ARHGAP42: variants seen among roughly 807,000 people sequenced by gnomAD.
ARHGAP42 encodes rho GTPase-activating protein 42.
A neutral mutation model predicts 125.0 loss-of-function variants in ARHGAP42; 63 were observed. That is an observed-to-expected ratio of 0.50 (90% CI 0.41 to 0.62). ARHGAP42 has a LOEUF of 0.62. Ranked by LOEUF, ARHGAP42 falls within the 20% of genes least tolerant of loss-of-function variation. The probability of loss-of-function intolerance (pLI) is 0.00; values close to 1 mark genes in which losing one functional copy is unlikely to be tolerated. For synonymous variants in ARHGAP42, 339 were observed against 351.0 expected, an observed-to-expected ratio of 0.97 and a Z score of 0.38; for missense variants, 766 against 1,024.2, an observed-to-expected ratio of 0.75 and a Z score of 3.44.
intron 10 of ARHGAP42, 43 bp downstream of exon 10, chr11:100,943,911 C>T (rs189129829): frequency 2.8e-5 from 36 of 1,269,266 alleles, no homozygotes; most frequent in African/African-American, 1.9e-4. Context: ...ATAAGCTAAA[C>T]GGTGTCTCTT....
chr11:100,688,531 T>A (rs1861130156), intron 1 of ARHGAP42, among the ~76,000 whole-genome samples: 1 of 152,152 alleles, frequency 6.6e-6, no homozygotes, highest in Non-Finnish European at 1.5e-5. Flanking sequence ...AATATAGGGC[T>A]TCTTCCACCT....
chr11:100,706,465 A>G (rs532775820), intron 1 of ARHGAP42, among the ~76,000 whole-genome samples: 13 of 152,336 alleles, frequency 8.5e-5, no homozygotes, highest in African/African-American at 2.9e-4. Flanking sequence ...GACAAATATC[A>G]TTGTGACAAC....
chr11:100,840,033 G>C lies in ARHGAP42; in HGVS notation c.313-19521G>C, dbSNP rs527790897. 52 of 152,252 alleles carry C rather than the reference G, an allele frequency of 3.4e-4. 1 individual carries two copies. Among genetic ancestry groups the C allele is most frequent in the African/African-American group, 1.2e-3 (50 of 41,554 alleles). 9.4% of individuals were successfully genotyped at this position (152,252 alleles called of 1,614,324 possible). On this transcript the variant is annotated intron_variant, in intron 3 of 23. Transcript: ENST00000298815. The stretch of plus-strand genomic sequence containing the variant: ...TTATGAGACTAGAATTGGATCAAAA[G>C]TAAAAATATGAACTAGTCTTCAAAT...
chr11:100,835,632 C>A (rs1193622024), intron 3 of ARHGAP42, among the ~76,000 whole-genome samples: 1 of 152,084 alleles, frequency 6.6e-6, no homozygotes, highest in Non-Finnish European at 1.5e-5. Context: ...TTATTTATAT[C>A]TTAAGAGGCA....
chr11:100,828,871 A>G (rs1864595164), intron 3 of ARHGAP42, among the ~76,000 whole-genome samples: 2 of 152,016 alleles, frequency 1.3e-5, no homozygotes, highest in African/African-American at 4.8e-5. Flanking sequence ...CATTTTGTAG[A>G]TGTGTAAAGT....
chr11:100,897,590 C>G (rs923665754), intron 4 of ARHGAP42, among the ~76,000 whole-genome samples: 2 of 152,030 alleles, frequency 1.3e-5, no homozygotes, highest in African/African-American at 4.8e-5. Flanking sequence ...GTATTTTATT[C>G]TCTTTGAAGC....
intron 7 of ARHGAP42, among the ~76,000 whole-genome samples, chr11:100,934,676 A>C (rs1202879426): frequency 6.6e-6 from 1 of 152,204 alleles, no homozygotes; most frequent in African/African-American, 2.4e-5. Context: ...ACTGCCAAGT[A>C]CTATATAGCC....
chr11:100,818,849 G>T (rs1471217587), intron 3 of ARHGAP42, among the ~76,000 whole-genome samples: 1 of 152,118 alleles, frequency 6.6e-6, no homozygotes, highest in African/African-American at 2.4e-5. Context: ...AGTTGGGTAA[G>T]ATTTCAGCCA....
intron 3 of ARHGAP42, among the ~76,000 whole-genome samples, chr11:100,811,253 G>T (rs900732231): frequency 5.3e-5 from 8 of 152,134 alleles, no homozygotes; most frequent in Non-Finnish European, 1.2e-4. Flanking sequence ...ACCATGCCTG[G>T]CCAGAATAAA....
chr11:100,897,547 G>A (rs914842500), intron 4 of ARHGAP42, among the ~76,000 whole-genome samples: 5 of 152,148 alleles, frequency 3.3e-5, no homozygotes, highest in South Asian at 2.1e-4. Context: ...CCTTGAAGAG[G>A]TCCTTCACAT....
intron 5 of ARHGAP42, among the ~76,000 whole-genome samples, chr11:100,920,974 C>G (rs1434070096): frequency 1.3e-5 from 2 of 151,800 alleles, no homozygotes; most frequent in African/African-American, 4.8e-5. Flanking sequence ...GCTATCCTCA[C>G]TTCTCCCTCT....
chr11:100,859,669 T>C, intron 4 of ARHGAP42, 44 bp downstream of exon 4: 1 of 1,317,478 alleles, frequency 7.6e-7, no homozygotes, highest in Non-Finnish European at 1.0e-6. Context: ...CTCCTGATAA[T>C]TAAAGATGAC....
intron 17 of ARHGAP42, among the ~76,000 whole-genome samples, chr11:100,970,053 A>G (rs1392795701): frequency 1.3e-5 from 2 of 151,906 alleles, no homozygotes; most frequent in Non-Finnish European, 1.5e-5. Context: ...CAGTGGTACA[A>G]TCTCGGCTCA....
At chr11:100,973,044 T>G in intron 17 of ARHGAP42, 131 bp from the exon 18 acceptor site, 1 of 721,212 alleles carries the variant, frequency 1.4e-6, no homozygotes, top group Non-Finnish European at 2.1e-6. Flanking sequence ...CAATTGGAAG[T>G]GGCTAAAAGT....
In ARHGAP42 at chr11:100,687,649, T is replaced by TCCG. The variant is rs762310983; in HGVS notation, c.-28_-26dup. 7 of 1,416,656 alleles carry TCCG rather than the reference T, an allele frequency of 4.9e-6. No individual in the cohort carries two copies. The South Asian group carries it at 1.1e-4, about 21-fold the overall frequency. 87.8% of individuals were successfully genotyped at this position (1,416,656 alleles called of 1,614,324 possible). The stretch of plus-strand genomic sequence containing the variant: ...CGCCCTGACCTCCGGCCCGGACGTG[T>TCCG]CCGCGGCCGCCGCTGGCAGCGCCTG... On this transcript the variant is annotated 5_prime_UTR_variant, in exon 1 of 24. Transcript: ENST00000298815.
intron 3 of ARHGAP42, among the ~76,000 whole-genome samples, chr11:100,845,124 A>T (rs1378593104): frequency 6.8e-6 from 1 of 146,776 alleles, no homozygotes; most frequent in East Asian, 1.9e-4. Flanking sequence ...TATCATATGT[A>T]TATATATGTA....
chr11:100,912,606 A>G (rs1012311264), intron 4 of ARHGAP42, among the ~76,000 whole-genome samples: 1 of 152,198 alleles, frequency 6.6e-6, no homozygotes, highest in Non-Finnish European at 1.5e-5. Context: ...AATGGAAAAG[A>G]CATATCTGGT....
intron 1 of ARHGAP42, among the ~76,000 whole-genome samples, chr11:100,692,573 C>G (rs1198455442): frequency 6.6e-6 from 1 of 152,074 alleles, no homozygotes; most frequent in East Asian, 1.9e-4. Context: ...CCATCAGAAG[C>G]TTTATTTGTT....
intron 3 of ARHGAP42, among the ~76,000 whole-genome samples, chr11:100,799,152 G>A (rs1243848395): frequency 6.6e-6 from 1 of 152,214 alleles, no homozygotes; most frequent in African/African-American, 2.4e-5. Flanking sequence ...TTGGAGAGAA[G>A]AATGAGAGAA....
Sources: gnomAD v4.1 joint callset for allele counts (sites outside exome capture counted in the v4.1 genomes callset) on GRCh38, gnomAD v4.1.1 for gene constraint, MANE v1.5 for transcripts, NCBI Gene and HGNC (gene_info 2026-07-23, HGNC 2026-07-21) for gene names.